Variants in GIMAP8 observed in about 807,000 individuals in gnomAD.
The protein encoded by GIMAP8 is GTPase, IMAP family member 8.
In GIMAP8, 29 loss-of-function variants were observed where a neutral mutation model predicts 35.6. The observed-to-expected ratio is 0.81, with a 90% CI of 0.61 to 1.11. The LOEUF (loss-of-function observed/expected upper bound fraction) is 1.11. GIMAP8 is among the 50% of genes most tolerant of loss of function. The pLI, the probability that GIMAP8 is intolerant of heterozygous loss-of-function variation, is 0.00. For missense variants in GIMAP8, 811 were observed against 805.0 expected (o/e 1.01, Z -0.09); for synonymous variants, 335 against 308.7 (o/e 1.09, Z -0.89).
rs1159153272 is a variant in GIMAP8 at position 150,477,525 on chromosome 7, C to G, written c.1743C>G (p.Asn581Lys). ...GGAATTTGGAAGACTTCATGAAGAA[C>G]TCAGATAACAAAGCCCTTCGGCGCA... ...GAGNLEDFMK[N>K]SDNKALRRIF... Residue 581 changes from asparagine to lysine, a missense_variant, in exon 5 of 5, where the codon AAC becomes AAG. Physicochemically the swap from Asn to Lys is moderately conservative, Grantham distance 94. Coordinates refer to ENST00000307271, the MANE Select transcript of GIMAP8 (RefSeq NM_175571.4). The G allele has an allele frequency of 6.2e-7, 1 of 1,614,138 alleles. No individual in the cohort carries two copies. Among genetic ancestry groups the G allele is most frequent in the African/African-American group, 1.3e-5 (1 of 75,018 alleles).
chr7:150,468,459 C>T lies in GIMAP8; in HGVS notation c.636+1125C>T, dbSNP rs189905130. On this transcript the variant is annotated intron_variant, in intron 2 of 4. Transcript: ENST00000307271. ...CAGAGGATTTGGCAAGGGGAAGCCCCAGAGGGTGTACAGCAGGCACACACT... is the reference window on the plus strand; with the variant it reads ...CAGAGGATTTGGCAAGGGGAAGCCCTAGAGGGTGTACAGCAGGCACACACT... 3.3e-5 allele frequency among the ~76,000 whole-genome samples: 5 copies of T among 152,254 alleles called. No homozygotes were observed. In the East Asian group the frequency reaches 7.7e-4, roughly 23 times the overall value.
At position 150,472,766 on chromosome 7, in the gene GIMAP8, G is replaced by A. The variant is rs1802120563; in HGVS notation, c.683-1246G>A. ...AAGTTATATTTGCATAGGAACCTGA[G>A]TAGCCAGCAGGAGATAGGGCAGGAG... On this transcript the variant is annotated intron_variant, in intron 3 of 4. Coordinates refer to ENST00000307271, the MANE Select transcript of GIMAP8 (RefSeq NM_175571.4). This position sits in a 1 kb window ranked among gnomAD's most constrained non-coding sequence, Gnocchi z 4.1. Among the ~76,000 whole-genome samples, 1 of 152,184 alleles carries A rather than the reference G, an allele frequency of 6.6e-6. No homozygotes were observed. The highest frequency in any genetic ancestry group is 6.5e-5 in the Admixed American group (1 of 15,278).
chr7:150,451,029 A>G lies in GIMAP8; in HGVS notation c.-175A>G, dbSNP rs1251237810. ...GTGGATGTGAAGGCTATTTCTAGAAATCTCTTCCTTTGCAGAAACACCCGA... is the reference window on the plus strand; with the variant it reads ...GTGGATGTGAAGGCTATTTCTAGAAGTCTCTTCCTTTGCAGAAACACCCGA... On this transcript the variant is annotated 5_prime_UTR_variant, in exon 1 of 5. Coordinates refer to ENST00000307271, the MANE Select transcript of GIMAP8 (RefSeq NM_175571.4). The surrounding 1 kb of genome is among the most constrained non-coding windows in gnomAD (Gnocchi z 4.1). 1 of 152,154 alleles carries G rather than the reference A, an allele frequency of 6.6e-6. No individual in the cohort carries two copies. The highest frequency in any genetic ancestry group is 1.5e-5 in the Non-Finnish European group (1 of 68,068). The allele number at this position is 152,154 out of a possible 1,614,324, so 9.4% of individuals were successfully genotyped here.
At chr7:150,458,710 TTCC>T (rs895019682) in intron 1 of GIMAP8, among the ~76,000 whole-genome samples, 5 of 152,266 alleles carry the variant, frequency 3.3e-5, no homozygotes, top group African/African-American at 1.2e-4. Flanking sequence ...TATGCACTAA[TTCC>T]TTCTCCAGAA....
chr7:150,476,928 C>T (rs919134686), intron 4 of GIMAP8, among the ~76,000 whole-genome samples, 164 bp from the exon 5 acceptor site: 1 of 152,224 alleles, frequency 6.6e-6, no homozygotes, highest in African/African-American at 2.4e-5. Flanking sequence ...TGGGCCAAGT[C>T]ATTCCCGTGT....
chr7:150,464,578 G>A (rs1801910561), intron 1 of GIMAP8, among the ~76,000 whole-genome samples: 1 of 152,136 alleles, frequency 6.6e-6, no homozygotes, highest in Admixed American at 6.5e-5. Context: ...TAGATAATCT[G>A]GAGGTCGAGG....
rs1802311158 is a variant in GIMAP8, at chr7:150,479,142, A to T, written c.*1362A>T. The T allele has an allele frequency of 6.6e-6, 1 of 152,208 alleles. No homozygotes were observed. The highest frequency in any genetic ancestry group is 1.5e-5 in the Non-Finnish European group (1 of 68,054). 9.4% of individuals were successfully genotyped at this position (152,208 alleles called of 1,614,324 possible). A position where few individuals can be genotyped will look rare whatever the true frequency, so the allele number is the denominator to read the frequency against. On this transcript the variant is annotated 3_prime_UTR_variant, in exon 5 of 5. Transcript: ENST00000307271. Reference sequence around the variant, plus strand: ...TGCCGTAGACACAAAGAAGGGAACAATAGACACCAGGGTATACTTGAGGGT... The same window carrying T: ...TGCCGTAGACACAAAGAAGGGAACATTAGACACCAGGGTATACTTGAGGGT...
At chr7:150,459,578 T>C (rs887990187) in intron 1 of GIMAP8, among the ~76,000 whole-genome samples, 1 of 152,106 alleles carries the variant, frequency 6.6e-6, no homozygotes, top group Non-Finnish European at 1.5e-5. Flanking sequence ...ATCCGGAGCA[T>C]ATAGAGCCTC....
intron 1 of GIMAP8, among the ~76,000 whole-genome samples, chr7:150,452,365 C>G: frequency 6.6e-6 from 1 of 150,840 alleles, no homozygotes; most frequent in East Asian, 2.0e-4. Context: ...GAGCTGCAGG[C>G]AGGAGTCCAG....
In GIMAP8 at chr7:150,467,158, C is replaced by G; in HGVS notation, c.460C>G (p.Leu154Val). Residue 154 changes from leucine to valine, a missense_variant, in exon 2 of 5, where the codon CTC becomes GTC. By Grantham distance (32) the Leu-to-Val change is conservative. Coordinates refer to ENST00000307271, the MANE Select transcript of GIMAP8 (RefSeq NM_175571.4). ...AGATTTCATTGAAAAAAACAAACCT[C>G]TCAAGCAGTTGGTTCAAGACTATGA... ...LQDFIEKNKP[L>V]KQLVQDYEGR... 6.2e-7 allele frequency: 1 copy of G among 1,614,210 alleles called. No individual in the cohort carries two copies. Among genetic ancestry groups the G allele is most frequent in the Non-Finnish European group, 8.5e-7 (1 of 1,180,036 alleles).
rs1160786302 is a variant in GIMAP8 at position 150,477,192 on chromosome 7, C to T, written c.1410C>T (p.Ala470=). ...TCGTCTTCACCTCTCGGCTCCGGGC[C>T]CAGCCAGTCACCAAGACCAGCCAGA... The part of the protein sequence containing the change: ...GSLVFTSRLR[A]QPVTKTSQSG... Residue 470 remains alanine (A), a synonymous_variant, in exon 5 of 5, where the codon GCC becomes GCT. Coordinates refer to ENST00000307271, the MANE Select transcript of GIMAP8 (RefSeq NM_175571.4). 2 of 1,614,048 alleles carry T rather than the reference C, an allele frequency of 1.2e-6. No individual in the cohort carries two copies. Among genetic ancestry groups the T allele is most frequent in the South Asian group, 2.2e-5 (2 of 91,076 alleles).
chr7:150,453,758 C>A (rs1450511969), intron 1 of GIMAP8, among the ~76,000 whole-genome samples: 1 of 151,810 alleles, frequency 6.6e-6, no homozygotes, highest in Non-Finnish European at 1.5e-5. Flanking sequence ...CACTAAGCAA[C>A]TAAATGCAGA....
At chr7:150,452,681 T>TATATATAG (rs1801641108) in intron 1 of GIMAP8, among the ~76,000 whole-genome samples, 1 of 91,724 alleles carries the variant, frequency 1.1e-5, no homozygotes, top group African/African-American at 4.1e-5. Flanking sequence ...GTGAGATATA[T>TATATATAG]ATATATATAT....
In GIMAP8 at chr7:150,479,143, T is replaced by C. The variant is rs1216928524; in HGVS notation, c.*1363T>C. 6.6e-6 allele frequency: 1 copy of C among 152,070 alleles called. No individual in the cohort carries two copies. Among genetic ancestry groups the C allele is most frequent in the Non-Finnish European group, 1.5e-5 (1 of 68,016 alleles). The allele number at this position is 152,070 out of a possible 1,614,324, so 9.4% of individuals were successfully genotyped here. On this transcript the variant is annotated 3_prime_UTR_variant, in exon 5 of 5. Transcript: ENST00000307271. ...GCCGTAGACACAAAGAAGGGAACAA[T>C]AGACACCAGGGTATACTTGAGGGTG...
At chr7:150,452,841 G>C (rs929033298) in intron 1 of GIMAP8, among the ~76,000 whole-genome samples, 2 of 151,278 alleles carry the variant, frequency 1.3e-5, no homozygotes, top group African/African-American at 4.8e-5. Flanking sequence ...ACCTGCCTTG[G>C]CCTCTGAAAG....
intron 1 of GIMAP8, among the ~76,000 whole-genome samples, chr7:150,454,976 T>G (rs950791411): frequency 2.6e-5 from 4 of 151,622 alleles, no homozygotes; most frequent in African/African-American, 9.7e-5. Context: ...CCATCTCCAT[T>G]AAAAATACAA....
In GIMAP8 at chr7:150,453,286, G is replaced by A. The variant is rs557426994; in HGVS notation, c.-29+2111G>A. On this transcript the variant is annotated intron_variant, in intron 1 of 4. Transcript: ENST00000307271. ...GGTGCTGATTAGGTTTGAACCCACC[G>A]GAAATATTTTTCCCCTGGTGGACCG... is the stretch of plus-strand genomic sequence containing the variant. Among the ~76,000 whole-genome samples, 319 of 152,288 alleles carry A rather than the reference G, an allele frequency of 2.1e-3. 1 individual carries two copies. Among genetic ancestry groups the A allele is most frequent in the Admixed American group, 4.0e-3 (61 of 15,296 alleles).
At position 150,458,141 on chromosome 7, in the gene GIMAP8, G is replaced by GGT. The variant is rs139322450; in HGVS notation, c.-29+6983_-29+6984dup. 6.6e-4 allele frequency among the ~76,000 whole-genome samples: 99 copies of GGT among 150,842 alleles called. 1 individual carries two copies. Among genetic ancestry groups the GGT allele is most frequent in the Non-Finnish European group, 8.1e-4 (55 of 67,498 alleles). On this transcript the variant is annotated intron_variant, in intron 1 of 4. Transcript: ENST00000307271. ...GAGAAACAGAATGAATGATGTGTGT[G>GGT]GTGTGTGTGTGTGTGTGTATGTGTA...
chr7:150,467,041 A>G lies in GIMAP8; in HGVS notation c.343A>G (p.Lys115Glu). 1 of 1,614,248 alleles carries G rather than the reference A, an allele frequency of 6.2e-7. No homozygotes were observed. Among genetic ancestry groups the G allele is most frequent in the Non-Finnish European group, 8.5e-7 (1 of 1,180,030 alleles). ...HFTREDEETA[K>E]GIQQVFGAEA... ...CACAAGGGAGGATGAGGAAACAGCC[A>G]AGGGCATCCAACAAGTGTTTGGAGC... is the stretch of plus-strand genomic sequence containing the variant. Residue 115 changes from lysine to glutamate, a missense_variant, in exon 2 of 5, where the codon AAG (lysine) becomes GAG (glutamate). Lys to Glu is a moderately conservative substitution (Grantham distance 56). Coordinates refer to ENST00000307271, the MANE Select transcript of GIMAP8 (RefSeq NM_175571.4).
Sources: allele counts gnomAD v4.1 joint callset (sites outside exome capture counted in the v4.1 genomes callset), GRCh38; gene constraint gnomAD v4.1.1; non-coding constraint Gnocchi (gnomAD v3.1); transcripts MANE v1.5; gene names NCBI Gene and HGNC (gene_info 2026-07-23, HGNC 2026-07-21).